Variants in TBX15 observed in about 807,000 individuals in gnomAD.
The protein encoded by TBX15 is T-box transcription factor TBX15.
TBX15 carries 18 observed loss-of-function variants against 53.9 expected under a neutral mutation model. The observed-to-expected ratio is 0.33, with a 90% confidence interval of 0.23 to 0.49. The LOEUF is 0.49. Ranked by LOEUF, TBX15 falls within the 20% of genes least tolerant of loss-of-function variation. The pLI is 0.98. For missense variants in TBX15, 692 were observed against 749.5 expected (o/e 0.92, Z 0.90); for synonymous variants, 295 against 278.0 (o/e 1.06, Z -0.61).
At chr1:118,938,820 T>C (rs1656049514) in intron 1 of TBX15, among the ~76,000 whole-genome samples, 1 of 152,224 alleles carries the variant, frequency 6.6e-6, no homozygotes, top group African/African-American at 2.4e-5. Flanking sequence ...TCTGTTCACG[T>C]CCTTTGTCCA....
In TBX15 at chr1:118,884,654, A is replaced by ACTCCCAAAGAGGAGGAT; in HGVS notation, c.*61_*77dup. 1.3e-6 allele frequency: 2 copies of ACTCCCAAAGAGGAGGAT among 1,489,848 alleles called. No homozygotes were observed. Among genetic ancestry groups the ACTCCCAAAGAGGAGGAT allele is most frequent in the Non-Finnish European group, 1.9e-6 (2 of 1,079,678 alleles). 92.3% of individuals were successfully genotyped at this position (1,489,848 alleles called of 1,614,324 possible). On this transcript the variant is annotated 3_prime_UTR_variant, in exon 8 of 8. Coordinates refer to ENST00000369429, the MANE Select transcript of TBX15 (RefSeq NM_001330677.2). ...GGTTCCTGTTTTTCAAAGACACTGG[A>ACTCCCAAAGAGGAGGAT]CTCCCAAAGAGGAGGATCTGACCAC...
intron 7 of TBX15, among the ~76,000 whole-genome samples, chr1:118,895,098 A>G (rs539953986): frequency 1.3e-5 from 2 of 152,244 alleles, no homozygotes; most frequent in East Asian, 1.9e-4. Flanking sequence ...GTATGACTTG[A>G]TCGGTAGCTG....
At chr1:118,911,278 T>A (rs1655017227) in intron 6 of TBX15, among the ~76,000 whole-genome samples, 1 of 152,230 alleles carries the variant, frequency 6.6e-6, no homozygotes, top group Admixed American at 6.5e-5. Flanking sequence ...GTAAGTTAAC[T>A]GATAAAATTT....
At chr1:118,901,286 A>C in intron 6 of TBX15, 1 of 452,748 alleles carries the variant, frequency 2.2e-6, no homozygotes, top group Admixed American at 2.4e-5. Flanking sequence ...GAAGGTCAAG[A>C]GAGGGCAAGA....
At chr1:118,960,651 A>G (rs1212376163) in intron 1 of TBX15, among the ~76,000 whole-genome samples, 9 of 152,216 alleles carry the variant, frequency 5.9e-5, no homozygotes, top group Non-Finnish European at 1.2e-4. Context: ...TTTAATTTAT[A>G]GGAGATGACA....
intron 7 of TBX15, among the ~76,000 whole-genome samples, chr1:118,892,142 C>T (rs1249392997): frequency 8.8e-6 from 1 of 113,600 alleles, no homozygotes; most frequent in Non-Finnish European, 1.7e-5. Flanking sequence ...CGTAAATAGA[C>T]ATCTAGCTCT....
chr1:118,916,828 T>C (rs562400548), intron 5 of TBX15, among the ~76,000 whole-genome samples: 2 of 151,728 alleles, frequency 1.3e-5, no homozygotes, highest in African/African-American at 2.4e-5. Flanking sequence ...ATTGCACCAC[T>C]GCACTCCAGC....
At chr1:118,887,286 G>A (rs1053164614) in intron 7 of TBX15, among the ~76,000 whole-genome samples, 1 of 152,130 alleles carries the variant, frequency 6.6e-6, no homozygotes, top group Admixed American at 6.6e-5. Flanking sequence ...CACTCATTTT[G>A]GGACTCTTAG....
intron 1 of TBX15, among the ~76,000 whole-genome samples, chr1:118,935,567 C>T (rs985983255): frequency 3.3e-5 from 5 of 152,106 alleles, no homozygotes; most frequent in Non-Finnish European, 7.4e-5. Context: ...ACTTAAGTAA[C>T]CTGCGCTGAG....
chr1:118,956,962 C>CA (rs11417425), intron 1 of TBX15, among the ~76,000 whole-genome samples: 61,866 of 141,650 alleles, frequency 0.44, 13,631 homozygotes, highest in Middle Eastern at 0.51. Context: ...GACTCCATCT[C>CA]AAAAAAAAAA....
chr1:118,924,659 T>C lies in TBX15; in HGVS notation c.680A>G (p.Asp227Gly). The change falls in exon 4 of 8, where the codon GAT becomes GGT. Residue 227 changes from aspartate (D) to glycine (G), a missense_variant. This residue lies in a region of TBX15 where 307 missense variants were observed against 347.5 expected (regional missense o/e 0.88). Transcript: ENST00000369429. ...DKLKLTNNEL[D>G]DQGHIILHSM... Reference sequence around the variant, plus strand: ...TCTTTGACTCACATGTCCTTGATCATCCAACTCATTGTTGGTAAGCTTGAG... The same window carrying C: ...TCTTTGACTCACATGTCCTTGATCACCCAACTCATTGTTGGTAAGCTTGAG... The C allele has an allele frequency of 6.2e-7, 1 of 1,614,008 alleles. No homozygotes were observed. The highest frequency in any genetic ancestry group is 1.1e-5 in the South Asian group (1 of 91,076).
At chr1:118,910,695 G>T (rs916772939) in intron 6 of TBX15, among the ~76,000 whole-genome samples, 1 of 152,146 alleles carries the variant, frequency 6.6e-6, no homozygotes, top group African/African-American at 2.4e-5. Context: ...CTTACTTGCC[G>T]TAGCAATTTA....
Position 118,962,824 on chromosome 1 carries a change from A to G in TBX15, c.205+24767T>C, listed in dbSNP as rs139251463. On this transcript the variant is annotated intron_variant, in intron 1 of 7. Coordinates refer to ENST00000369429, the MANE Select transcript of TBX15 (RefSeq NM_001330677.2). ...GGAAAAATATCAGTGAACACTGACC[A>G]TTTAGGTAACTGAATTAATTTAGAA... is the stretch of plus-strand genomic sequence containing the variant. Among the ~76,000 whole-genome samples the G allele has an allele frequency of 5.3e-5, 8 of 152,336 alleles. No individual in the cohort carries two copies. The East Asian group carries it at 1.5e-3, about 29-fold the overall frequency.
intron 1 of TBX15, among the ~76,000 whole-genome samples, chr1:118,938,236 T>G (rs887103500): frequency 7.2e-5 from 11 of 152,180 alleles, no homozygotes; most frequent in Admixed American, 6.5e-4. Flanking sequence ...AGTAATGGAA[T>G]GGTGTCTCTG....
intron 1 of TBX15, among the ~76,000 whole-genome samples, chr1:118,958,615 A>C (rs957614282): frequency 1.3e-4 from 20 of 152,162 alleles, no homozygotes; most frequent in African/African-American, 3.6e-4. Context: ...TCCTACCCTA[A>C]CAAACACAGT....
intron 1 of TBX15, among the ~76,000 whole-genome samples, chr1:118,973,752 C>T (rs78893494): frequency 0.011 from 1,657 of 152,108 alleles, 21 homozygotes; most frequent in African/African-American, 0.038. Flanking sequence ...CAGCACCGCC[C>T]CCAACACTCC....
intron 1 of TBX15, among the ~76,000 whole-genome samples, chr1:118,939,394 T>A (rs1413003411): frequency 1.3e-5 from 1 of 75,702 alleles, no homozygotes; most frequent in Non-Finnish European, 2.5e-5. Flanking sequence ...GGCAACAGAA[T>A]GAGATCTAGT....
chr1:118,908,694 GC>G (rs1654922692), intron 6 of TBX15, among the ~76,000 whole-genome samples: 1 of 151,882 alleles, frequency 6.6e-6, no homozygotes, highest in Admixed American at 6.6e-5. Context: ...AGAATAAATG[GC>G]CATCTGCTAT....
chr1:118,981,870 A>C (rs770624509), intron 1 of TBX15, among the ~76,000 whole-genome samples: 1 of 152,250 alleles, frequency 6.6e-6, no homozygotes, highest in Admixed American at 6.5e-5. Flanking sequence ...AGTCATGCAC[A>C]TATAAAATTC....
Sources: allele counts gnomAD v4.1 joint callset (sites outside exome capture counted in the v4.1 genomes callset), GRCh38; gene constraint gnomAD v4.1.1; regional missense constraint gnomAD v4.1.1; transcripts MANE v1.5; gene names NCBI Gene and HGNC (gene_info 2026-07-23, HGNC 2026-07-21).